Variants in HLCS observed in about 807,000 individuals in gnomAD.
The protein encoded by HLCS is biotin--protein ligase.
Under a neutral mutation model 75.0 loss-of-function variants are expected in HLCS, and 53 were observed. That is an observed-to-expected ratio of 0.71 (90% CI 0.57 to 0.89). HLCS has a LOEUF of 0.89. Ranked by LOEUF, HLCS falls within the 40% of genes least tolerant of loss-of-function variation. HLCS has a pLI of 0.00. For missense variants in HLCS, 966 were observed against 1,074.0 expected, an observed-to-expected ratio of 0.90 and a Z score of 1.41; for synonymous variants, 431 against 428.6, an observed-to-expected ratio of 1.01 and a Z score of -0.07.
At chr21:36,782,263 T>C (rs2060558595) in intron 6 of HLCS, among the ~76,000 whole-genome samples, 1 of 152,202 alleles carries the variant, frequency 6.6e-6, no homozygotes, top group Admixed American at 6.5e-5. Context: ...AAAAAAAATT[T>C]CTGCCAATGA....
At chr21:36,759,201 C>T in intron 9 of HLCS, 1 of 471,086 alleles carries the variant, frequency 2.1e-6, no homozygotes, top group Non-Finnish European at 4.4e-6. Flanking sequence ...GGCCAGGAAC[C>T]TAAGGACTTC....
At chr21:36,895,468 T>C (rs1317789938) in intron 6 of HLCS, among the ~76,000 whole-genome samples, 1 of 152,104 alleles carries the variant, frequency 6.6e-6, no homozygotes, top group South Asian at 2.1e-4. Context: ...AAAGTACCTA[T>C]GACATCACAA....
chr21:36,772,042 C>G (rs1242101921), intron 6 of HLCS, among the ~76,000 whole-genome samples: 1 of 151,504 alleles, frequency 6.6e-6, no homozygotes, highest in Non-Finnish European at 1.5e-5. Context: ...AAAATAATAG[C>G]TGCAGTTACC....
chr21:36,919,116 C>T (rs1023243801), intron 5 of HLCS, among the ~76,000 whole-genome samples: 3 of 152,112 alleles, frequency 2.0e-5, no homozygotes, highest in African/African-American at 4.8e-5. Context: ...CTGGGAATTC[C>T]TTCCAAATAA....
At chr21:36,881,533 C>T (rs2064215231) in intron 6 of HLCS, among the ~76,000 whole-genome samples, 1 of 152,202 alleles carries the variant, frequency 6.6e-6, no homozygotes, top group Non-Finnish European at 1.5e-5. Context: ...GCATGCCAAC[C>T]AGAGGGGCCA....
rs935549376 is a variant in HLCS at position 36,754,505 on chromosome 21, G to A, written c.2451-88C>T. On this transcript the variant is annotated intron_variant, in intron 10 of 10. Coordinates refer to ENST00000674895, the MANE Select transcript of HLCS (RefSeq NM_001352514.2). The stretch of plus-strand genomic sequence containing the variant: ...CTGAAGAATAATCCATGATGAGAGA[G>A]CTGGGCGTGCTGGGGAGAGGGCTGA... 6 of 1,376,756 alleles carry A rather than the reference G, an allele frequency of 4.4e-6. No homozygotes were observed. In the East Asian group the frequency reaches 9.7e-5, roughly 22 times the overall value. 85.3% of individuals were successfully genotyped at this position (1,376,756 alleles called of 1,614,324 possible).
chr21:36,892,459 C>G (rs1441979578), intron 6 of HLCS, among the ~76,000 whole-genome samples: 3 of 152,208 alleles, frequency 2.0e-5, no homozygotes, highest in African/African-American at 4.8e-5. Flanking sequence ...GGGCAGAGAG[C>G]TCGTCTGTTT....
chr21:36,928,732 G>A (rs2146485983), intron 5 of HLCS, among the ~76,000 whole-genome samples: 1 of 152,300 alleles, frequency 6.6e-6, no homozygotes, highest in Non-Finnish European at 1.5e-5. Context: ...AAGGCCAAGT[G>A]GAGGGCCCGC....
rs551191958 is a variant in HLCS at position 36,750,107 on chromosome 21, G to A, written c.*4139C>T. Among the ~76,000 whole-genome samples the A allele has an allele frequency of 6.6e-6, 1 of 152,328 alleles. No homozygotes were observed. Among genetic ancestry groups the A allele is most frequent in the East Asian group, 1.9e-4 (1 of 5,188 alleles). ...GCTGTTACTGTGGCAACCTAATATTGTGACCTCCATCTTGAAGAGTCTGCA... is the reference window on the plus strand; with the variant it reads ...GCTGTTACTGTGGCAACCTAATATTATGACCTCCATCTTGAAGAGTCTGCA... On this transcript the variant is annotated 3_prime_UTR_variant, in exon 11 of 11. Transcript: ENST00000674895.
At chr21:36,922,685 G>A (rs1306032632) in intron 5 of HLCS, among the ~76,000 whole-genome samples, 1 of 152,112 alleles carries the variant, frequency 6.6e-6, no homozygotes, top group South Asian at 2.1e-4. Flanking sequence ...AGCATCGGCC[G>A]AGCTCCAGCA....
At position 36,792,370 on chromosome 21, in the gene HLCS, T is replaced by C. The variant is rs1017049661; in HGVS notation, c.1893-25085A>G. The stretch of plus-strand genomic sequence containing the variant: ...AGAGCAGAAGTAGCAGGTGGAACCA[T>C]GTGAAATCCCTAACATTCAACCGTT... On this transcript the variant is annotated intron_variant, in intron 6 of 10. Coordinates refer to ENST00000674895, the MANE Select transcript of HLCS (RefSeq NM_001352514.2). Among the ~76,000 whole-genome samples the C allele has an allele frequency of 2.0e-5, 3 of 151,182 alleles. No homozygotes were observed. The South Asian group carries it at 6.3e-4, about 32-fold the overall frequency.
intron 6 of HLCS, among the ~76,000 whole-genome samples, chr21:36,781,507 T>C (rs1169294955): frequency 2.0e-5 from 3 of 152,188 alleles, no homozygotes; most frequent in Middle Eastern, 3.2e-3. Context: ...ATTATGAATA[T>C]ATCCCATAAT....
rs992720463 is a variant in HLCS at position 36,753,381 on chromosome 21, A to G, written c.*865T>C. 1.3e-5 allele frequency: 2 copies of G among 152,214 alleles called. No homozygotes were observed. The highest frequency in any genetic ancestry group is 2.9e-5 in the Non-Finnish European group (2 of 68,014). The allele number at this position is 152,214 out of a possible 1,614,324, so 9.4% of individuals were successfully genotyped here. A position where few individuals can be genotyped will look rare whatever the true frequency, so the allele number is the denominator to read the frequency against. On this transcript the variant is annotated 3_prime_UTR_variant, in exon 11 of 11. Transcript: ENST00000674895. This position sits in a 1 kb window ranked among gnomAD's most constrained non-coding sequence, Gnocchi z 4.3. ...TCTGAAACTGGCTTAAAAGCTCCAA[A>G]TCCTCCCTTGTATGTGGTATGAGTG...
intron 6 of HLCS, among the ~76,000 whole-genome samples, chr21:36,886,267 T>TA (rs576383401): frequency 0.011 from 1,741 of 151,630 alleles, 15 homozygotes; most frequent in Middle Eastern, 0.034. Context: ...CCGTCTCTAC[T>TA]AAAAATACAA....
chr21:36,885,383 C>T (rs565873781), intron 6 of HLCS, among the ~76,000 whole-genome samples: 1 of 151,994 alleles, frequency 6.6e-6, no homozygotes, highest in Non-Finnish European at 1.5e-5. Flanking sequence ...TGGCTCACGC[C>T]TGTGGTCCCA....
At chr21:36,874,761 CGGGAGCCCTGCCCCCTACCAAGTCGGCT>C (rs1271252062) in intron 6 of HLCS, among the ~76,000 whole-genome samples, 3 of 152,136 alleles carry the variant, frequency 2.0e-5, no homozygotes, top group Non-Finnish European at 4.4e-5. Flanking sequence ...CAGGAATGGG[CGGGAGCCCTGCCCCCTACCAAGTCGGCT>C]GGGCAGGAGC....
chr21:36,833,462 G>A (rs975674140), intron 6 of HLCS, among the ~76,000 whole-genome samples: 1 of 151,756 alleles, frequency 6.6e-6, no homozygotes, highest in African/African-American at 2.4e-5. Flanking sequence ...GCATGCACCT[G>A]TAATCCCAGC....
At chr21:36,790,028 T>C (rs2060809724) in intron 6 of HLCS, among the ~76,000 whole-genome samples, 1 of 152,240 alleles carries the variant, frequency 6.6e-6, no homozygotes, top group Admixed American at 6.5e-5. Flanking sequence ...GAGGTTGCTC[T>C]AATGTACACT....
intron 6 of HLCS, among the ~76,000 whole-genome samples, chr21:36,772,333 T>A (rs1469897357): frequency 6.6e-6 from 1 of 152,092 alleles, no homozygotes; most frequent in Non-Finnish European, 1.5e-5. Context: ...ATATACGATA[T>A]GTATTTATAG....
Sources: allele counts gnomAD v4.1 joint callset (sites outside exome capture counted in the v4.1 genomes callset), GRCh38; gene constraint gnomAD v4.1.1; non-coding constraint Gnocchi (gnomAD v3.1); transcripts MANE v1.5; gene names NCBI Gene and HGNC (gene_info 2026-07-23, HGNC 2026-07-21).